The following ZDHHC15 variants were observed in gnomAD, a reference collection of about 807,000 sequenced individuals.
ZDHHC15 encodes palmitoyltransferase ZDHHC15.
Under a neutral mutation model 31.7 loss-of-function variants are expected in ZDHHC15, and 19 were observed. The observed-to-expected ratio is 0.60, with a 90% CI of 0.42 to 0.88. ZDHHC15 has a LOEUF of 0.88. ZDHHC15 is among the 40% of genes least tolerant of loss of function. The pLI, the probability that ZDHHC15 is intolerant of heterozygous loss-of-function variation, is 0.00. For synonymous variants in ZDHHC15, 103 were observed against 90.0 expected (o/e 1.14, Z -0.82); for missense variants, 209 against 251.2 (o/e 0.83, Z 1.14).
intron 10 of ZDHHC15, among the ~76,000 whole-genome samples, chrX:75,395,714 A>C (rs760637122): frequency 1.8e-5 from 2 of 111,844 alleles, no homozygotes. Context: ...ATGGAACCAC[A>C]AAAGACCCAG....
chrX:75,394,301 C>G (rs1226565534), intron 10 of ZDHHC15, among the ~76,000 whole-genome samples: 2 of 108,910 alleles, frequency 1.8e-5, no homozygotes, highest in Non-Finnish European at 3.8e-5. Context: ...AAAAACAAAA[C>G]AAAACAAAAC....
At chrX:75,459,618 A>G (rs1308233487) in intron 3 of ZDHHC15, among the ~76,000 whole-genome samples, 2 of 110,600 alleles carry the variant, frequency 1.8e-5, no homozygotes, top group African/African-American at 6.6e-5. Context: ...GTCTGTGGGG[A>G]CTTCAGCCAC....
At chrX:75,448,106 T>G (rs73494451) in intron 4 of ZDHHC15, among the ~76,000 whole-genome samples, 2,031 of 112,155 alleles carry the variant, frequency 0.018, 56 homozygotes, top group African/African-American at 0.062. Flanking sequence ...CTATTACTAC[T>G]CTGCAATGGA....
rs1602526958 is a variant in ZDHHC15, at chrX:75,370,574, C to T, written c.*2404G>A. The T allele has an allele frequency of 9.8e-6, 1 of 102,520 alleles. No individual in the cohort carries two copies. Among genetic ancestry groups the T allele is most frequent in the Non-Finnish European group, 1.9e-5 (1 of 51,532 alleles). 8.4% of individuals were successfully genotyped at this position (102,520 alleles called of 1,213,427 possible). A position where few individuals can be genotyped will look rare whatever the true frequency, so the allele number is the denominator to read the frequency against. ...GAGACAGAGTTTCACTCTTATTGCCCAGGCCGGAGTGCAATGGCACGATCT... is the reference window on the plus strand; with the variant it reads ...GAGACAGAGTTTCACTCTTATTGCCTAGGCCGGAGTGCAATGGCACGATCT... On this transcript the variant is annotated 3_prime_UTR_variant, in exon 12 of 12. Coordinates refer to ENST00000373367, the MANE Select transcript of ZDHHC15 (RefSeq NM_144969.3).
chrX:75,515,806 A>G (rs1211106855), intron 1 of ZDHHC15, among the ~76,000 whole-genome samples: 1 of 111,932 alleles, frequency 8.9e-6, no homozygotes, highest in East Asian at 2.8e-4. Context: ...CCCTGTTTGC[A>G]GATGATATGA....
chrX:75,505,706 C>A, intron 2 of ZDHHC15, 115 bp downstream of exon 2: 1 of 871,579 alleles, frequency 1.1e-6, no homozygotes, highest in Non-Finnish European at 1.6e-6. Context: ...AAACTTTCTC[C>A]TCACCCAAGT....
In ZDHHC15 at chrX:75,398,867, G is replaced by T. The variant is rs766371111; in HGVS notation, c.967+18220C>A. On this transcript the variant is annotated intron_variant, in intron 10 of 11. Transcript: ENST00000373367. ...CAACGCAGCTGCTCTATCAAAACAGGATCAGACTGCTTTTTAAGCAGTTCC... is the reference window on the plus strand; with the variant it reads ...CAACGCAGCTGCTCTATCAAAACAGTATCAGACTGCTTTTTAAGCAGTTCC... 3.6e-5 allele frequency among the ~76,000 whole-genome samples: 4 copies of T among 111,545 alleles called. No individual in the cohort carries two copies. The East Asian group carries it at 1.1e-3, about 32-fold the overall frequency.
At chrX:75,480,595 G>T (rs992327132) in intron 2 of ZDHHC15, among the ~76,000 whole-genome samples, 1 of 111,123 alleles carries the variant, frequency 9.0e-6, no homozygotes, top group Non-Finnish European at 1.9e-5. Flanking sequence ...CCATGACTTT[G>T]TTGTGTATCC....
intron 3 of ZDHHC15, among the ~76,000 whole-genome samples, chrX:75,475,029 T>A (rs1373914408): frequency 9.0e-6 from 1 of 111,245 alleles, no homozygotes; most frequent in Non-Finnish European, 1.9e-5. Flanking sequence ...GCTGCACTCC[T>A]GCCTGGGCGA....
intron 3 of ZDHHC15, among the ~76,000 whole-genome samples, chrX:75,452,678 C>T (rs1602649974): frequency 8.9e-6 from 1 of 112,000 alleles, no homozygotes; most frequent in Non-Finnish European, 1.9e-5. Context: ...GAAATCATAA[C>T]AAACTGTCTC....
intron 1 of ZDHHC15, among the ~76,000 whole-genome samples, chrX:75,516,344 G>A (rs1176870022): frequency 8.9e-6 from 1 of 111,795 alleles, no homozygotes; most frequent in Non-Finnish European, 1.9e-5. Context: ...TATACTACAA[G>A]GCTACAGTAA....
intron 1 of ZDHHC15, 42 bp from the exon 2 acceptor site, chrX:75,505,889 A>G: frequency 9.3e-7 from 1 of 1,077,433 alleles, no homozygotes; most frequent in Non-Finnish European, 1.3e-6. Context: ...AGACAGACAG[A>G]GATGGATGAG....
At chrX:75,475,792 A>G (rs901143908) in intron 3 of ZDHHC15, among the ~76,000 whole-genome samples, 2 of 112,130 alleles carry the variant, frequency 1.8e-5, no homozygotes, top group Non-Finnish European at 3.8e-5. Flanking sequence ...CATTAAATCT[A>G]TAGATTGATT....
intron 2 of ZDHHC15, among the ~76,000 whole-genome samples, chrX:75,482,914 A>C (rs2084713502): frequency 9.2e-6 from 1 of 108,412 alleles, no homozygotes; most frequent in African/African-American, 3.4e-5. Context: ...GCCCTTAATA[A>C]CTATATGTCC....
chrX:75,516,377 C>T (rs959079948), intron 1 of ZDHHC15, among the ~76,000 whole-genome samples: 1 of 111,629 alleles, frequency 9.0e-6, no homozygotes, highest in Admixed American at 9.5e-5. Flanking sequence ...AGTACTGGTA[C>T]CAAAAAAGAT....
chrX:75,426,813 A>G (rs1317348051), intron 7 of ZDHHC15, among the ~76,000 whole-genome samples: 2 of 111,287 alleles, frequency 1.8e-5, no homozygotes, highest in African/African-American at 6.5e-5. Context: ...GTGTAAATTC[A>G]TGGGGCTTAG....
intron 2 of ZDHHC15, among the ~76,000 whole-genome samples, chrX:75,489,575 C>A (rs1042682243): frequency 1.8e-5 from 2 of 111,716 alleles, no homozygotes; most frequent in Non-Finnish European, 3.8e-5. Context: ...GACATCCACA[C>A]CAAAAACCCA....
chrX:75,464,161 C>A (rs2084366065), intron 3 of ZDHHC15, among the ~76,000 whole-genome samples: 1 of 111,178 alleles, frequency 9.0e-6, no homozygotes, highest in African/African-American at 3.3e-5. Context: ...TGGAAACCAT[C>A]ATTCTCGGCA....
chrX:75,463,276 C>CA (rs2084348749), intron 3 of ZDHHC15, among the ~76,000 whole-genome samples: 1 of 110,776 alleles, frequency 9.0e-6, no homozygotes, highest in African/African-American at 3.3e-5. Flanking sequence ...GCCTACCAAT[C>CA]AAAAAAAGCC....
Sources: allele counts gnomAD v4.1 joint callset (sites outside exome capture counted in the v4.1 genomes callset), GRCh38; gene constraint gnomAD v4.1.1; transcripts MANE v1.5; gene names NCBI Gene and HGNC (gene_info 2026-07-23, HGNC 2026-07-21).